Variants in MSH3 observed in about 807,000 individuals in gnomAD.
The protein encoded by MSH3 is DNA mismatch repair protein Msh3.
A neutral mutation model predicts 123.3 loss-of-function variants in MSH3; 106 were observed. That is an observed-to-expected ratio of 0.86 (90% CI 0.73 to 1.01). The LOEUF is 1.01. Ranked by LOEUF, MSH3 falls within the 50% of genes least tolerant of loss-of-function variation. MSH3 has a pLI of 0.00. For missense variants in MSH3, 1,459 were observed against 1,347.6 expected (o/e 1.08, Z -1.29); for synonymous variants, 515 against 481.4 (o/e 1.07, Z -0.91).
At chr5:80,738,066 C>T (rs185911755) in intron 10 of MSH3, among the ~76,000 whole-genome samples, 1 of 152,220 alleles carries the variant, frequency 6.6e-6, no homozygotes, top group Non-Finnish European at 1.5e-5. Context: ...CACATTAATA[C>T]TTACGTTAAT....
rs1749208731 is a variant in MSH3 at position 80,654,903 on chromosome 5, C to T, written c.176C>T (p.Ala59Val). The T allele has an allele frequency of 2.6e-6, 4 of 1,536,046 alleles. No homozygotes were observed. Among genetic ancestry groups the T allele is most frequent in the African/African-American group, 1.6e-5 (1 of 64,252 alleles). The change falls in exon 1 of 24, where the codon GCG (alanine) becomes GTG (valine). Residue 59 changes from alanine to valine, a missense_variant. Coordinates refer to ENST00000265081, the MANE Select transcript of MSH3 (RefSeq NM_002439.5). ...GCTGCAGCGGCTGCAGCGGCCGCAG[C>T]GGCCGCAGCGCCCCCAGCGCCCCCA... ...PGAAAAAAAA[A>V]AAAPPAPPAP...
intron 19 of MSH3, among the ~76,000 whole-genome samples, chr5:80,794,877 C>T (rs995419461): frequency 2.6e-5 from 4 of 152,144 alleles, no homozygotes; most frequent in African/African-American, 9.7e-5. Context: ...AGCTTCTGAA[C>T]CCTGAACCCT....
chr5:80,757,676 A>G (rs973963801), intron 12 of MSH3, among the ~76,000 whole-genome samples: 1 of 152,162 alleles, frequency 6.6e-6, no homozygotes, highest in Non-Finnish European at 1.5e-5. Flanking sequence ...GAATACTATC[A>G]GTCATCTTGG....
chr5:80,857,785 CTTAG>C (rs1454929931), intron 21 of MSH3, among the ~76,000 whole-genome samples: 1 of 151,978 alleles, frequency 6.6e-6, no homozygotes, highest in Non-Finnish European at 1.5e-5. Flanking sequence ...CTCTTTTGTT[CTTAG>C]TTAGCTTGAC....
In MSH3 at chr5:80,869,841, TACACACAC is replaced by T. The variant is rs35006113; in HGVS notation, c.3131-3260_3131-3253del. ...ATATATATACATATATACATATATA[TACACACAC>T]ACACACACACACACTATATAAAAAA... On this transcript the variant is annotated intron_variant, in intron 22 of 23. Transcript: ENST00000265081. 1.8e-3 allele frequency among the ~76,000 whole-genome samples: 239 copies of T among 132,532 alleles called. 4 individuals carry two copies. The East Asian group carries it at 0.044, about 24-fold the overall frequency. 86.9% of individuals were successfully genotyped at this position (132,532 alleles called of 152,430 possible). A position where few individuals can be genotyped will look rare whatever the true frequency, so the allele number is the denominator to read the frequency against.
At chr5:80,800,257 T>C (rs1314323244) in intron 19 of MSH3, among the ~76,000 whole-genome samples, 1 of 152,212 alleles carries the variant, frequency 6.6e-6, no homozygotes, top group African/African-American at 2.4e-5. Flanking sequence ...ATTAATTAAT[T>C]CATTCATCCC....
At chr5:80,718,119 C>G (rs989175461) in intron 8 of MSH3, among the ~76,000 whole-genome samples, 2 of 152,292 alleles carry the variant, frequency 1.3e-5, no homozygotes, top group East Asian at 1.9e-4. Context: ...GGCAGTCACT[C>G]TAGAAGCTCT....
At chr5:80,699,636 A>G (rs1750564546) in intron 8 of MSH3, among the ~76,000 whole-genome samples, 2 of 150,514 alleles carry the variant, frequency 1.3e-5, no homozygotes, top group African/African-American at 4.9e-5. Flanking sequence ...ATCAATGTCT[A>G]TTTACATTAT....
At chr5:80,809,056 G>T (rs1744957219) in intron 19 of MSH3, among the ~76,000 whole-genome samples, 1 of 151,140 alleles carries the variant, frequency 6.6e-6, no homozygotes, top group Admixed American at 6.6e-5. Flanking sequence ...AGTTTATAGG[G>T]CATTGGGACT....
At chr5:80,748,252 A>G (rs892202077) in intron 12 of MSH3, among the ~76,000 whole-genome samples, 1 of 152,200 alleles carries the variant, frequency 6.6e-6, no homozygotes, top group African/African-American at 2.4e-5. Context: ...GGGCAAACAC[A>G]CAGTTCATAA....
At chr5:80,699,749 A>T (rs772039247) in intron 8 of MSH3, among the ~76,000 whole-genome samples, 1 of 152,056 alleles carries the variant, frequency 6.6e-6, no homozygotes, top group Non-Finnish European at 1.5e-5. Context: ...TCTTTAAAAA[A>T]TTTTTTAATA....
intron 8 of MSH3, among the ~76,000 whole-genome samples, chr5:80,691,001 TA>T (rs1354452261): frequency 1.1e-4 from 16 of 151,974 alleles, no homozygotes; most frequent in Non-Finnish European, 1.9e-4. Context: ...ATTAAACTCA[TA>T]ATTTAATATA....
At chr5:80,870,282 A>C (rs1746191802) in intron 22 of MSH3, among the ~76,000 whole-genome samples, 1 of 152,018 alleles carries the variant, frequency 6.6e-6, no homozygotes, top group African/African-American at 2.4e-5. Context: ...GGATAGATGG[A>C]CAGACAGACA....
At chr5:80,766,677 C>T (rs1404226765) in intron 13 of MSH3, among the ~76,000 whole-genome samples, 1 of 151,450 alleles carries the variant, frequency 6.6e-6, no homozygotes, top group African/African-American at 2.4e-5. Context: ...TCTTAACTGT[C>T]GTTTCAAGAT....
intron 23 of MSH3, among the ~76,000 whole-genome samples, chr5:80,875,314 G>GA (rs771260780): frequency 4.4e-4 from 63 of 143,190 alleles, no homozygotes; most frequent in South Asian, 4.4e-4. Flanking sequence ...CTATTCTGCA[G>GA]AAAAAAAAAA....
intron 21 of MSH3, among the ~76,000 whole-genome samples, chr5:80,860,716 TG>T (rs1035824950): frequency 1.3e-5 from 2 of 152,142 alleles, no homozygotes; most frequent in African/African-American, 4.8e-5. Context: ...GACATTACTT[TG>T]GGGAAATTCT....
intron 18 of MSH3, among the ~76,000 whole-genome samples, chr5:80,789,620 C>T (rs1375760747): frequency 6.6e-6 from 1 of 152,210 alleles, no homozygotes; most frequent in East Asian, 1.9e-4. Flanking sequence ...ATCCACCTGC[C>T]TTGGCCTTCC....
At chr5:80,761,081 G>A (rs1744023520) in intron 12 of MSH3, among the ~76,000 whole-genome samples, 1 of 152,184 alleles carries the variant, frequency 6.6e-6, no homozygotes, top group South Asian at 2.1e-4. Context: ...CCTTAGTTCA[G>A]TTAAAGACAG....
rs948697436 is a variant in MSH3, at chr5:80,741,632, C to A, written c.1653+84C>A. 3 of 954,206 alleles carry A rather than the reference C, an allele frequency of 3.1e-6. No individual in the cohort carries two copies. In the African/African-American group the frequency reaches 4.8e-5, roughly 15 times the overall value. The allele number at this position is 954,206 out of a possible 1,614,324, so 59.1% of individuals were successfully genotyped here. ...AGGCAGCAGTCTGTTTTTAGAGGTA[C>A]AGGTGAAAATATAGTGTCTTTAGCT... On this transcript the variant is annotated intron_variant, in intron 11 of 23. Coordinates refer to ENST00000265081, the MANE Select transcript of MSH3 (RefSeq NM_002439.5).
Sources: gnomAD v4.1 joint callset for allele counts (sites outside exome capture counted in the v4.1 genomes callset) on GRCh38, gnomAD v4.1.1 for gene constraint, MANE v1.5 for transcripts, NCBI Gene and HGNC (gene_info 2026-07-23, HGNC 2026-07-21) for gene names.